DOCK4: variants seen among roughly 807,000 people sequenced by gnomAD.
The protein encoded by DOCK4 is dedicator of cytokinesis protein 4.
Under a neutral mutation model 268.1 loss-of-function variants are expected in DOCK4, and 97 were observed. The observed-to-expected ratio is 0.36, with a 90% CI of 0.31 to 0.43. The LOEUF is 0.43. DOCK4 is among the 20% of genes least tolerant of loss of function. The pLI is 1.00. For synonymous variants in DOCK4, 954 were observed against 887.2 expected (o/e 1.08, Z -1.34); for missense variants, 2,145 against 2,455.7 (o/e 0.87, Z 2.67).
intron 1 of DOCK4, among the ~76,000 whole-genome samples, chr7:112,046,273 T>C (rs541805757): frequency 1.3e-5 from 2 of 152,194 alleles, no homozygotes; most frequent in Admixed American, 6.5e-5. Context: ...CCACCATCTA[T>C]ACAACTTTGG....
intron 1 of DOCK4, 104 bp from the exon 2 acceptor site, chr7:112,004,235 T>G (rs1040326116): frequency 1.2e-6 from 1 of 846,744 alleles, no homozygotes; most frequent in Admixed American, 2.5e-5. Flanking sequence ...AAGTATAATT[T>G]GATAGCTGGA....
chr7:111,867,822 T>C (rs909245342), intron 22 of DOCK4, among the ~76,000 whole-genome samples, 162 bp downstream of exon 22: 92 of 152,256 alleles, frequency 6.0e-4, no homozygotes, highest in African/African-American at 2.0e-3. Context: ...ACACAGAAGG[T>C]AGGGGAATTT....
At chr7:111,807,220 A>G (rs1382019000) in intron 30 of DOCK4, among the ~76,000 whole-genome samples, 1 of 152,222 alleles carries the variant, frequency 6.6e-6, no homozygotes, top group African/African-American at 2.4e-5. Context: ...AAGTGCATTC[A>G]AACAGATTCA....
Position 111,944,889 on chromosome 7 carries a change from T to G in DOCK4, c.784-18A>C, listed in dbSNP as rs1265951090. 1.9e-6 allele frequency: 3 copies of G among 1,613,342 alleles called. No homozygotes were observed. The Admixed American group carries it at 5.0e-5, about 27-fold the overall frequency. On this transcript the variant is annotated intron_variant, in intron 9 of 52. Coordinates refer to ENST00000428084, the MANE Select transcript of DOCK4 (RefSeq NM_001363540.2). Reference sequence around the variant, plus strand: ...CCCAAATCCTACAAACAAAGAAAGTTTGGTTATTTTGGAAGACATGAGCGG... The same window carrying G: ...CCCAAATCCTACAAACAAAGAAAGTGTGGTTATTTTGGAAGACATGAGCGG...
intron 1 of DOCK4, among the ~76,000 whole-genome samples, chr7:112,205,635 T>C (rs547383317): frequency 6.6e-6 from 1 of 152,236 alleles, no homozygotes; most frequent in East Asian, 1.9e-4. Flanking sequence ...TGCGCCTCCC[T>C]ACTGTTTTGG....
rs1797191079 is a variant in DOCK4 at position 111,758,638 on chromosome 7, C to T, written c.4315G>A (p.Glu1439Lys). The T allele has an allele frequency of 6.2e-7, 1 of 1,613,786 alleles. No individual in the cohort carries two copies. The highest frequency in any genetic ancestry group is 1.3e-5 in the African/African-American group (1 of 74,938). The change falls in exon 41 of 53, where the codon GAG becomes AAG. Residue 1439 changes from glutamate (E) to lysine (K), a missense_variant. This residue lies in a region of DOCK4 where 1,598 missense variants were observed against 1,986.7 expected (regional missense o/e 0.80). Coordinates refer to ENST00000428084, the MANE Select transcript of DOCK4 (RefSeq NM_001363540.2). The part of the protein sequence containing the change: ...RPFHKGTKDK[E>K]NEFKSLWVER... The stretch of plus-strand genomic sequence containing the variant: ...TTGCATGGTACCTTGAATTCATTCT[C>T]TTTATCTTTTGTGCCTTTGTGAAAT...
intron 1 of DOCK4, among the ~76,000 whole-genome samples, chr7:112,113,892 C>T (rs1811897707): frequency 6.6e-6 from 1 of 151,612 alleles, no homozygotes; most frequent in Non-Finnish European, 1.5e-5. Context: ...CCATGCTTCG[C>T]CTGGATTTTT....
intron 1 of DOCK4, among the ~76,000 whole-genome samples, chr7:112,017,837 C>G (rs1358524673): frequency 1.3e-5 from 2 of 152,054 alleles, no homozygotes; most frequent in Non-Finnish European, 2.9e-5. Flanking sequence ...GGGTCAAGCC[C>G]AGGTCAGCCA....
chr7:111,803,401 C>T (rs73434268), intron 30 of DOCK4, among the ~76,000 whole-genome samples: 10,563 of 152,256 alleles, frequency 0.069, 1,235 homozygotes, highest in African/African-American at 0.24. Context: ...TATACTTTCT[C>T]TACCTCTAAT....
intron 1 of DOCK4, among the ~76,000 whole-genome samples, chr7:112,151,002 A>C (rs1816008856): frequency 6.6e-6 from 1 of 152,198 alleles, no homozygotes; most frequent in Non-Finnish European, 1.5e-5. Context: ...GTGGAAGGTG[A>C]GCAGCGTTTC....
chr7:112,175,341 C>A (rs1818416932), intron 1 of DOCK4, among the ~76,000 whole-genome samples: 1 of 152,170 alleles, frequency 6.6e-6, no homozygotes, highest in Non-Finnish European at 1.5e-5. Context: ...TACCATTATA[C>A]ATGTTTTAAA....
chr7:111,732,449 T>C (rs1046654678), intron 51 of DOCK4, 162 bp from the exon 52 acceptor site: 2 of 661,186 alleles, frequency 3.0e-6, no homozygotes, highest in South Asian at 1.9e-5. Context: ...ATGATGCCTG[T>C]CTAGAATGGG....
chr7:112,116,185 C>T (rs1812149407), intron 1 of DOCK4, among the ~76,000 whole-genome samples: 2 of 152,096 alleles, frequency 1.3e-5, no homozygotes, highest in Non-Finnish European at 2.9e-5. Context: ...TCTCCCCAGC[C>T]CCCAGCAACC....
chr7:112,091,164 ACAGACT>A (rs1306710166), intron 1 of DOCK4, among the ~76,000 whole-genome samples: 1 of 152,198 alleles, frequency 6.6e-6, no homozygotes, highest in East Asian at 1.9e-4. Context: ...ACATTGCTTC[ACAGACT>A]TAGTATTGAC....
intron 13 of DOCK4, among the ~76,000 whole-genome samples, chr7:111,912,602 G>A (rs940912574): frequency 9.9e-5 from 15 of 151,922 alleles, no homozygotes; most frequent in Admixed American, 1.3e-4. Context: ...AAGAGGGGGA[G>A]GAAGAGGAGG....
At chr7:111,951,537 T>C (rs1013846852) in intron 8 of DOCK4, among the ~76,000 whole-genome samples, 1 of 151,422 alleles carries the variant, frequency 6.6e-6, no homozygotes, top group Non-Finnish European at 1.5e-5. Context: ...CATGGTATGG[T>C]AGCTCACTAC....
intron 23 of DOCK4, among the ~76,000 whole-genome samples, chr7:111,862,232 G>A (rs1805597306): frequency 1.3e-5 from 2 of 151,920 alleles, no homozygotes; most frequent in Admixed American, 1.3e-4. Context: ...CTGGGAGGCA[G>A]AAGTTGCAGT....
chr7:111,863,791 T>C (rs574049642), intron 22 of DOCK4, among the ~76,000 whole-genome samples: 1 of 152,294 alleles, frequency 6.6e-6, no homozygotes, highest in South Asian at 2.1e-4. Context: ...CTGGGAAATT[T>C]TGGAAAATCA....
At position 111,944,722 on chromosome 7, in the gene DOCK4, A is replaced by G; in HGVS notation, c.844+89T>C. On this transcript the variant is annotated intron_variant, in intron 10 of 52. Transcript: ENST00000428084. ...TGGCTTTGATATCTTTCTGATTCAG[A>G]CAGCAATAAATCACAACAACATAGA... The G allele has an allele frequency of 1.3e-5, 16 of 1,234,720 alleles. 1 individual carries two copies. The South Asian group carries it at 1.9e-4, about 15-fold the overall frequency. 76.5% of individuals were successfully genotyped at this position (1,234,720 alleles called of 1,614,324 possible). A position where few individuals can be genotyped will look rare whatever the true frequency, so the allele number is the denominator to read the frequency against.
Sources: allele counts gnomAD v4.1 joint callset (sites outside exome capture counted in the v4.1 genomes callset), GRCh38; gene constraint gnomAD v4.1.1; regional missense constraint gnomAD v4.1.1; transcripts MANE v1.5; gene names NCBI Gene and HGNC (gene_info 2026-07-23, HGNC 2026-07-21).